The following NHEJ1 variants were observed in gnomAD, a reference collection of about 807,000 sequenced individuals.
NHEJ1 encodes the protein non-homologous end-joining factor 1.
In NHEJ1, 22 loss-of-function variants were observed where a neutral mutation model predicts 39.4. The observed-to-expected ratio is 0.56, with a 90% CI of 0.40 to 0.80. The LOEUF is 0.80. NHEJ1 is among the 30% of genes least tolerant of loss of function. The probability of loss-of-function intolerance (pLI) is 0.00; values close to 1 mark genes in which losing one functional copy is unlikely to be tolerated. For synonymous variants in NHEJ1, 154 were observed against 135.6 expected (o/e 1.14, Z -0.94); for missense variants, 329 against 357.1 (o/e 0.92, Z 0.63).
intron 4 of NHEJ1, among the ~76,000 whole-genome samples, chr2:219,147,261 C>G (rs989997817): frequency 6.6e-6 from 1 of 152,194 alleles, no homozygotes; most frequent in East Asian, 1.9e-4. Context: ...AGGCAGATCA[C>G]TTGAGGTCAG....
At chr2:219,095,392 T>C (rs1255862606) in intron 5 of NHEJ1, 1 of 467,950 alleles carries the variant, frequency 2.1e-6, no homozygotes, top group Non-Finnish European at 4.4e-6. Flanking sequence ...GTAGTAGTCC[T>C]GACTGTTAAA....
chr2:219,159,738 C>T (rs1949910571), intron 1 of NHEJ1, among the ~76,000 whole-genome samples: 1 of 151,416 alleles, frequency 6.6e-6, no homozygotes, highest in Non-Finnish European at 1.5e-5. Flanking sequence ...TTAAGCTAGT[C>T]CTAGCCGGAC....
At chr2:219,119,615 CAAT>C (rs992322100) in intron 5 of NHEJ1, among the ~76,000 whole-genome samples, 1 of 152,242 alleles carries the variant, frequency 6.6e-6, no homozygotes, top group African/African-American at 2.4e-5. Flanking sequence ...ACAAGTAGGA[CAAT>C]GTTTTGGCGC....
chr2:219,152,250 C>T (rs114500353), intron 3 of NHEJ1, among the ~76,000 whole-genome samples: 1 of 152,144 alleles, frequency 6.6e-6, no homozygotes, highest in African/African-American at 2.4e-5. Flanking sequence ...AATCTTTTTC[C>T]GAGGAAAAGC....
At chr2:219,088,243 G>A (rs1949129506) in intron 5 of NHEJ1, among the ~76,000 whole-genome samples, 1 of 152,186 alleles carries the variant, frequency 6.6e-6, no homozygotes, top group Non-Finnish European at 1.5e-5. Flanking sequence ...ACACAAGTAG[G>A]TAAATAAGTT....
chr2:219,087,736 G>T (rs1274293401), intron 5 of NHEJ1, among the ~76,000 whole-genome samples: 1 of 152,040 alleles, frequency 6.6e-6, no homozygotes, highest in Non-Finnish European at 1.5e-5. Context: ...TTCTTAACAG[G>T]ACACAAACCA....
rs772376742 is a variant in NHEJ1, at chr2:219,078,109, C to T, written c.686G>A (p.Gly229Glu). ...CTCACCAGCGCCTTGATGCTTCTGT[C>T]CCACTTGGACCTCTTGTGTGGTGAC... ...MAVTTQEVQV[G>E]QKHQGAGDPH... Residue 229 changes from glycine to glutamate, a missense_variant, in exon 6 of 8, where the codon GGA becomes GAA. By Grantham distance (98) the Gly-to-Glu change is moderately conservative. Transcript: ENST00000356853. The T allele has an allele frequency of 4.3e-6, 7 of 1,614,114 alleles. No individual in the cohort carries two copies. The South Asian group carries it at 7.7e-5, about 18-fold the overall frequency.
At chr2:219,133,330 GT>G (rs1949596109) in intron 5 of NHEJ1, among the ~76,000 whole-genome samples, 1 of 152,240 alleles carries the variant, frequency 6.6e-6, no homozygotes, top group South Asian at 2.1e-4. Flanking sequence ...GAGGTCAGTT[GT>G]TTGATACTTT....
chr2:219,148,203 G>A (rs898789825), intron 3 of NHEJ1, among the ~76,000 whole-genome samples: 1 of 152,204 alleles, frequency 6.6e-6, no homozygotes, highest in Non-Finnish European at 1.5e-5. Flanking sequence ...AGGTTGCAGT[G>A]AGCCAAGATT....
Position 219,076,302 on chromosome 2 carries a change from C to T in NHEJ1, c.*79G>A. ...CTGTATCACTATTTTAGAAATATTGCTGCCATGTAAGCTTCTTTCAAGGTG... is the reference window on the plus strand; with the variant it reads ...CTGTATCACTATTTTAGAAATATTGTTGCCATGTAAGCTTCTTTCAAGGTG... On this transcript the variant is annotated 3_prime_UTR_variant, in exon 8 of 8. Coordinates refer to ENST00000356853, the MANE Select transcript of NHEJ1 (RefSeq NM_024782.3). 1.2e-6 allele frequency: 2 copies of T among 1,612,928 alleles called. No homozygotes were observed. The highest frequency in any genetic ancestry group is 1.7e-6 in the Non-Finnish European group (2 of 1,179,502).
In NHEJ1 at chr2:219,159,564, C is replaced by CATATAT. The variant is rs373610993; in HGVS notation, c.-1+1150_-1+1155dup. On this transcript the variant is annotated intron_variant, in intron 1 of 7. Transcript: ENST00000356853. The stretch of plus-strand genomic sequence containing the variant: ...ATATATATATATGCATATATATATG[C>CATATAT]ATATATATATGCATATATATATGCA... Among the ~76,000 whole-genome samples, 6 of 61,772 alleles carry CATATAT rather than the reference C, an allele frequency of 9.7e-5. No homozygotes were observed. The East Asian group carries it at 1.9e-3, about 19-fold the overall frequency. The allele number at this position is 61,772 out of a possible 152,430, so 40.5% of individuals were successfully genotyped here. A position where few individuals can be genotyped will look rare whatever the true frequency, so the allele number is the denominator to read the frequency against.
intron 5 of NHEJ1, among the ~76,000 whole-genome samples, chr2:219,101,802 C>T (rs1457007612): frequency 3.3e-5 from 5 of 150,834 alleles, no homozygotes; most frequent in South Asian, 2.1e-4. Flanking sequence ...CTCAGCTCAC[C>T]GCAACTTCTG....
At position 219,076,157 on chromosome 2, in the gene NHEJ1, C is replaced by T. The variant is rs1050877756; in HGVS notation, c.*224G>A. On this transcript the variant is annotated 3_prime_UTR_variant, in exon 8 of 8. Coordinates refer to ENST00000356853, the MANE Select transcript of NHEJ1 (RefSeq NM_024782.3). ...AAACCTGAACCTACAGAACCTCCAC[C>T]AAAAGAGAGGAGAGCACGGGATTCT... 14 of 980,502 alleles carry T rather than the reference C, an allele frequency of 1.4e-5. No homozygotes were observed. In the East Asian group the frequency reaches 3.7e-4, roughly 26 times the overall value. 60.7% of individuals were successfully genotyped at this position (980,502 alleles called of 1,614,324 possible). A position where few individuals can be genotyped will look rare whatever the true frequency, so the allele number is the denominator to read the frequency against.
intron 5 of NHEJ1, among the ~76,000 whole-genome samples, chr2:219,139,346 CA>C (rs1949668307): frequency 6.6e-6 from 1 of 152,172 alleles, no homozygotes; most frequent in Non-Finnish European, 1.5e-5. Context: ...CCTCAGCCTC[CA>C]AAAGTGCTGG....
chr2:219,145,020 G>C (rs915987139), intron 5 of NHEJ1, among the ~76,000 whole-genome samples: 1 of 152,128 alleles, frequency 6.6e-6, no homozygotes, highest in Non-Finnish European at 1.5e-5. Context: ...TTCAAGACCA[G>C]CCTGATCAAC....
chr2:219,071,119 CCT>C lies in NHEJ1; in HGVS notation c.*5260_*5261del, dbSNP rs1331397865. On this transcript the variant is annotated 3_prime_UTR_variant, in exon 8 of 8. Transcript: ENST00000356853. ...ATTCCCAACAGCACTGCTCTTGATC[CCT>C]GAGTGGAGACCCACACCCTGTGGGG... 6.6e-6 allele frequency among the ~76,000 whole-genome samples: 1 copy of C among 152,168 alleles called. No individual in the cohort carries two copies. The highest frequency in any genetic ancestry group is 2.4e-5 in the African/African-American group (1 of 41,440).
At chr2:219,131,608 T>A (rs1949579583) in intron 5 of NHEJ1, among the ~76,000 whole-genome samples, 1 of 152,214 alleles carries the variant, frequency 6.6e-6, no homozygotes, top group African/African-American at 2.4e-5. Context: ...GCTAGATAAA[T>A]TAATAAATAG....
At chr2:219,146,334 C>T (rs557819565) in intron 5 of NHEJ1, among the ~76,000 whole-genome samples, 1 of 152,176 alleles carries the variant, frequency 6.6e-6, no homozygotes, top group Non-Finnish European at 1.5e-5. Flanking sequence ...CCCTTCTCCT[C>T]CACAGTCCAG....
chr2:219,150,211 G>T (rs1949782094), intron 3 of NHEJ1, among the ~76,000 whole-genome samples: 1 of 152,222 alleles, frequency 6.6e-6, no homozygotes, highest in African/African-American at 2.4e-5. Context: ...ATTTCTGCTA[G>T]ATTAGAAAAG....
Sources: gnomAD v4.1 joint callset for allele counts (sites outside exome capture counted in the v4.1 genomes callset) on GRCh38, gnomAD v4.1.1 for gene constraint, MANE v1.5 for transcripts, NCBI Gene and HGNC (gene_info 2026-07-23, HGNC 2026-07-21) for gene names.